ROBO2: variants seen among roughly 807,000 people sequenced by gnomAD.
ROBO2 encodes roundabout guidance receptor 2.
ROBO2 carries 53 observed loss-of-function variants against 160.8 expected under a neutral mutation model. That is an observed-to-expected ratio of 0.33 (90% CI 0.26 to 0.41). The LOEUF is 0.41. Ranked by LOEUF, ROBO2 falls within the 10% of genes least tolerant of loss-of-function variation. The probability of loss-of-function intolerance (pLI) is 1.00; values close to 1 mark genes in which losing one functional copy is unlikely to be tolerated. For missense variants in ROBO2, 1,577 were observed against 1,722.4 expected (o/e 0.92, Z 1.49); for synonymous variants, 664 against 611.7 (o/e 1.09, Z -1.26).
chr3:77,203,824 C>T (rs552780580), intron 2 of ROBO2, among the ~76,000 whole-genome samples: 76 of 152,230 alleles, frequency 5.0e-4, no homozygotes, highest in African/African-American at 1.7e-3. Flanking sequence ...TTATTCACAC[C>T]GATTTTGCAG....
intron 2 of ROBO2, among the ~76,000 whole-genome samples, chr3:77,189,314 A>T (rs1579799262): frequency 6.6e-6 from 1 of 151,932 alleles, no homozygotes; most frequent in Admixed American, 6.6e-5. Context: ...TGAAGAAGTT[A>T]CAGGTTTGCT....
At chr3:76,729,889 C>T (rs972268404) in intron 2 of ROBO2, among the ~76,000 whole-genome samples, 2 of 152,130 alleles carry the variant, frequency 1.3e-5, no homozygotes, top group African/African-American at 4.8e-5. Context: ...CCACCCGCCT[C>T]AGCTTCCCAA....
rs528589714 is a variant in ROBO2, at chr3:77,260,841, C to T, written c.388+162501C>T. Among the ~76,000 whole-genome samples the T allele has an allele frequency of 2.8e-4, 42 of 152,266 alleles. No homozygotes were observed. The South Asian group carries it at 7.9e-3, about 29-fold the overall frequency. ...TATTTGCTTTCACGGCCCCGACACTCGTTCTGCCCCAGTGGGTAACCTCAC... is the reference window on the plus strand; with the variant it reads ...TATTTGCTTTCACGGCCCCGACACTTGTTCTGCCCCAGTGGGTAACCTCAC... On this transcript the variant is annotated intron_variant, in intron 2 of 25. Coordinates refer to ENST00000461745, the Ensembl canonical transcript of ROBO2.
chr3:77,253,397 G>A (rs2090595690), intron 2 of ROBO2, among the ~76,000 whole-genome samples: 1 of 152,138 alleles, frequency 6.6e-6, no homozygotes. Context: ...TTCTCAAGAA[G>A]TTATTCACAT....
At chr3:76,342,547 G>A (rs183336304) in intron 2 of ROBO2, among the ~76,000 whole-genome samples, 71 of 152,138 alleles carry the variant, frequency 4.7e-4, no homozygotes, top group Middle Eastern at 3.4e-3. Flanking sequence ...GGAGGAAATC[G>A]GCTATAAGCA....
At chr3:76,465,927 TCCTA>T (rs2078334831) in intron 2 of ROBO2, among the ~76,000 whole-genome samples, 1 of 151,820 alleles carries the variant, frequency 6.6e-6, no homozygotes, top group Non-Finnish European at 1.5e-5. Flanking sequence ...GGCCCTTTTT[TCCTA>T]CCATACATTT....
intron 23 of ROBO2, chr3:77,633,023 A>C (rs1326058437): frequency 6.2e-6 from 1 of 162,476 alleles, no homozygotes; most frequent in Non-Finnish European, 1.3e-5. Context: ...AAAATTACTC[A>C]GCTTTTATCT....
chr3:76,611,392 TG>T (rs1191347579), intron 2 of ROBO2, among the ~76,000 whole-genome samples: 1 of 152,192 alleles, frequency 6.6e-6, no homozygotes, highest in East Asian at 1.9e-4. Flanking sequence ...GGAAAACCAC[TG>T]GGTCCTGGAC....
intron 2 of ROBO2, among the ~76,000 whole-genome samples, chr3:77,380,829 C>T (rs2073356493): frequency 1.3e-5 from 2 of 151,978 alleles, no homozygotes. Flanking sequence ...TTAGCGCTGT[C>T]TCAAATGGCA....
At chr3:75,990,364 C>G (rs909440005) in intron 2 of ROBO2, among the ~76,000 whole-genome samples, 2 of 152,148 alleles carry the variant, frequency 1.3e-5, no homozygotes, top group African/African-American at 4.8e-5. Context: ...GTTTTGTCCA[C>G]ACATTTGTTG....
chr3:77,397,770 T>C (rs924965733), intron 2 of ROBO2, among the ~76,000 whole-genome samples: 3 of 152,164 alleles, frequency 2.0e-5, no homozygotes, highest in African/African-American at 7.2e-5. Flanking sequence ...AGAATTTCCA[T>C]TTACTTAGTG....
chr3:76,943,773 C>T (rs377710566), intron 2 of ROBO2, among the ~76,000 whole-genome samples: 5 of 152,072 alleles, frequency 3.3e-5, no homozygotes, highest in Non-Finnish European at 7.4e-5. Context: ...TTCTTTCTTT[C>T]GCCATTACAA....
chr3:76,740,071 A>T (rs539890655), intron 2 of ROBO2, among the ~76,000 whole-genome samples: 3 of 152,328 alleles, frequency 2.0e-5, no homozygotes, highest in Admixed American at 6.5e-5. Context: ...CATAAGGAAA[A>T]TTATTTTTAA....
chr3:77,306,767 T>A (rs1302519919), intron 2 of ROBO2, among the ~76,000 whole-genome samples: 2 of 152,190 alleles, frequency 1.3e-5, no homozygotes, highest in African/African-American at 4.8e-5. Flanking sequence ...CACAACTTAG[T>A]AAATAAATCA....
At chr3:77,082,060 T>C (rs777277354) in intron 1 of ROBO2, among the ~76,000 whole-genome samples, 31 of 152,328 alleles carry the variant, frequency 2.0e-4, no homozygotes, top group Admixed American at 5.9e-4. Flanking sequence ...TCTAATTGTA[T>C]ACTAATTGAT....
intron 2 of ROBO2, among the ~76,000 whole-genome samples, chr3:76,239,757 A>G (rs568271193): frequency 8.6e-4 from 131 of 152,306 alleles, no homozygotes; most frequent in African/African-American, 3.0e-3. Context: ...GTAATAACAA[A>G]TGGTTTTTGT....
At chr3:77,629,786 C>G (rs914940126) in intron 23 of ROBO2, 1 of 152,100 alleles carries the variant, frequency 6.6e-6, no homozygotes, top group Non-Finnish European at 1.5e-5. Flanking sequence ...CAAATAATGT[C>G]ATACACAGAA....
At chr3:76,934,573 C>T (rs2149074351) in intron 2 of ROBO2, among the ~76,000 whole-genome samples, 1 of 152,046 alleles carries the variant, frequency 6.6e-6, no homozygotes, top group Non-Finnish European at 1.5e-5. Flanking sequence ...GATGAAACCT[C>T]CTACCAAAAA....
At chr3:77,182,822 G>C (rs1291547842) in intron 2 of ROBO2, among the ~76,000 whole-genome samples, 1 of 151,988 alleles carries the variant, frequency 6.6e-6, no homozygotes, top group Non-Finnish European at 1.5e-5. Flanking sequence ...CAGGTAACTA[G>C]GTGGATAAAT....
Sources: allele counts gnomAD v4.1 joint callset (sites outside exome capture counted in the v4.1 genomes callset), GRCh38; gene constraint gnomAD v4.1.1; transcripts MANE v1.5; gene names NCBI Gene and HGNC (gene_info 2026-07-23, HGNC 2026-07-21).